Variants in PTPRN2 observed in about 807,000 individuals in gnomAD.
The protein encoded by PTPRN2 is protein tyrosine phosphatase receptor type N2, also known as receptor-type tyrosine-protein phosphatase N2.
Under a neutral mutation model 118.8 loss-of-function variants are expected in PTPRN2, and 74 were observed. The ratio of observed to expected loss-of-function variants is 0.62; its 90% CI spans 0.52 to 0.76. The LOEUF is 0.76. Ranked by LOEUF, PTPRN2 falls within the 30% of genes least tolerant of loss-of-function variation. The probability of loss-of-function intolerance (pLI) is 0.00; values close to 1 mark genes in which losing one functional copy is unlikely to be tolerated. For synonymous variants in PTPRN2, 641 were observed against 608.0 expected (o/e 1.05, Z -0.80); for missense variants, 1,481 against 1,394.4 (o/e 1.06, Z -0.99).
intron 11 of PTPRN2, among the ~76,000 whole-genome samples, chr7:157,958,013 C>T (rs761473054): frequency 3.3e-4 from 50 of 152,230 alleles, no homozygotes; most frequent in Middle Eastern, 3.4e-3. Context: ...AGACAAAATT[C>T]GGAAGTTCAG....
At chr7:158,340,786 C>A (rs1306755013) in intron 2 of PTPRN2, among the ~76,000 whole-genome samples, 21 of 88,752 alleles carry the variant, frequency 2.4e-4, no homozygotes, top group Admixed American at 1.6e-3. Flanking sequence ...TAATTGGTGA[C>A]ACCTGCAGAC....
chr7:158,326,679 C>A (rs1034000159), intron 2 of PTPRN2, among the ~76,000 whole-genome samples: 1 of 149,880 alleles, frequency 6.7e-6, no homozygotes, highest in Non-Finnish European at 1.5e-5. Context: ...CACACACATG[C>A]ACAGTCTCAC....
chr7:158,458,966 G>A (rs1194681056), intron 2 of PTPRN2, among the ~76,000 whole-genome samples: 3 of 152,312 alleles, frequency 2.0e-5, no homozygotes, highest in African/African-American at 4.8e-5. Context: ...AAGGACACAT[G>A]TGGGGAAGAC....
At chr7:157,739,872 C>T (rs188007530) in intron 12 of PTPRN2, among the ~76,000 whole-genome samples, 2 of 152,228 alleles carry the variant, frequency 1.3e-5, no homozygotes, top group Admixed American at 6.5e-5. Context: ...CATTCCACCC[C>T]CTCTGCGTGC....
At chr7:158,040,446 C>A (rs1808378153) in intron 11 of PTPRN2, among the ~76,000 whole-genome samples, 1 of 152,140 alleles carries the variant, frequency 6.6e-6, no homozygotes, top group African/African-American at 2.4e-5. Flanking sequence ...CACGTGCACA[C>A]ACACTGCAGA....
intron 11 of PTPRN2, among the ~76,000 whole-genome samples, chr7:157,950,444 G>A (rs1800736454): frequency 6.6e-6 from 1 of 152,150 alleles, no homozygotes; most frequent in South Asian, 2.1e-4. Flanking sequence ...GCTCTAAAAT[G>A]TTCAGATATG....
At chr7:157,800,535 C>T (rs547697522) in intron 12 of PTPRN2, among the ~76,000 whole-genome samples, 53 of 152,352 alleles carry the variant, frequency 3.5e-4, no homozygotes, top group African/African-American at 1.3e-3. Flanking sequence ...CCTGGGAACA[C>T]CCTCGTACGG....
intron 9 of PTPRN2, among the ~76,000 whole-genome samples, chr7:158,111,254 T>A (rs571225649): frequency 1.3e-5 from 2 of 152,154 alleles, no homozygotes; most frequent in African/African-American, 4.8e-5. Context: ...GGCGGATCCA[T>A]GGAGAAAGCA....
chr7:158,244,704 GTTGT>G (rs1796092613), intron 3 of PTPRN2, among the ~76,000 whole-genome samples: 1 of 111,742 alleles, frequency 8.9e-6, no homozygotes, highest in African/African-American at 3.7e-5. Flanking sequence ...AGTGTGTGTG[GTTGT>G]GAGTTGTGTT....
Position 158,571,883 on chromosome 7 carries a change from T to G in PTPRN2, c.112+15675A>C, listed in dbSNP as rs940064780. 3.9e-5 allele frequency among the ~76,000 whole-genome samples: 6 copies of G among 152,088 alleles called. No individual in the cohort carries two copies. In the South Asian group the frequency reaches 1.2e-3, roughly 31 times the overall value. ...ACCAAAGTCTTATCACACGTGGAGA[T>G]GAATAAGAACTTCCCGAGCCAAGAA... On this transcript the variant is annotated intron_variant, in intron 1 of 22. Transcript: ENST00000389418.
At chr7:158,357,592 C>A (rs745855982) in intron 2 of PTPRN2, among the ~76,000 whole-genome samples, 5 of 152,248 alleles carry the variant, frequency 3.3e-5, no homozygotes, top group Non-Finnish European at 1.5e-5. Flanking sequence ...CACACAGGCA[C>A]CGTCAGCTGC....
At chr7:157,802,287 G>C (rs562275405) in intron 12 of PTPRN2, among the ~76,000 whole-genome samples, 124 of 152,246 alleles carry the variant, frequency 8.1e-4, no homozygotes, top group African/African-American at 2.9e-3. Flanking sequence ...TCTCTTCTTC[G>C]GTGCGTTCAA....
At chr7:158,078,878 C>T (rs1812586129) in intron 11 of PTPRN2, among the ~76,000 whole-genome samples, 7 of 152,142 alleles carry the variant, frequency 4.6e-5, no homozygotes, top group Admixed American at 3.3e-4. Flanking sequence ...GACAGGGTCT[C>T]CCTCTGTGGC....
intron 1 of PTPRN2, among the ~76,000 whole-genome samples, chr7:158,537,898 G>A (rs189096970): frequency 6.6e-6 from 1 of 152,318 alleles, no homozygotes; most frequent in East Asian, 1.9e-4. Context: ...ATATTTGCTA[G>A]CTTCACCTTG....
chr7:158,365,822 A>T (rs4909202), intron 2 of PTPRN2, among the ~76,000 whole-genome samples: 2 of 113,548 alleles, frequency 1.8e-5, no homozygotes, highest in East Asian at 2.9e-4. Flanking sequence ...GAAGCCGCAG[A>T]CCAGTGCATG....
At chr7:157,875,234 G>T (rs1218370622) in intron 12 of PTPRN2, among the ~76,000 whole-genome samples, 1 of 152,204 alleles carries the variant, frequency 6.6e-6, no homozygotes, top group Non-Finnish European at 1.5e-5. Flanking sequence ...GCTTGGAAAC[G>T]GTCCAGACCG....
At chr7:158,357,465 C>T (rs1328001688) in intron 2 of PTPRN2, among the ~76,000 whole-genome samples, 2 of 152,216 alleles carry the variant, frequency 1.3e-5, no homozygotes, top group Admixed American at 1.3e-4. Context: ...CCAGGCTATG[C>T]TCACCCCAAG....
At chr7:158,177,829 G>A (rs1824351547) in intron 5 of PTPRN2, among the ~76,000 whole-genome samples, 1 of 152,222 alleles carries the variant, frequency 6.6e-6, no homozygotes, top group Non-Finnish European at 1.5e-5. Flanking sequence ...CTACCATGAA[G>A]ATACGTGTGT....
At chr7:158,277,344 C>T (rs1190965465) in intron 3 of PTPRN2, among the ~76,000 whole-genome samples, 3 of 152,218 alleles carry the variant, frequency 2.0e-5, no homozygotes, top group Non-Finnish European at 4.4e-5. Context: ...GCTTCAGCCA[C>T]TCCACGGGCA....
Sources: allele counts gnomAD v4.1 joint callset (sites outside exome capture counted in the v4.1 genomes callset), GRCh38; gene constraint gnomAD v4.1.1; transcripts MANE v1.5; gene names NCBI Gene and HGNC (gene_info 2026-07-23, HGNC 2026-07-21).